Variants in BRD4 observed in about 807,000 individuals in gnomAD.
BRD4 encodes bromodomain containing 4.
A neutral mutation model predicts 142.1 loss-of-function variants in BRD4; 16 were observed. The ratio of observed to expected loss-of-function variants is 0.11; its 90% confidence interval spans 0.08 to 0.17. The LOEUF (loss-of-function observed/expected upper bound fraction) is 0.17, where lower values mean the gene tolerates loss of function less well. BRD4 is among the 10% of genes least tolerant of loss of function. The pLI is 1.00. For synonymous variants in BRD4, 833 were observed against 707.5 expected, an observed-to-expected ratio of 1.18 and a Z score of -2.82; for missense variants, 1,424 against 1,810.9, an observed-to-expected ratio of 0.79 and a Z score of 3.88.
chr19:15,306,872 G>A (rs1362436617), intron 1 of BRD4, among the ~76,000 whole-genome samples: 3 of 152,076 alleles, frequency 2.0e-5, no homozygotes, highest in Admixed American at 6.5e-5. Context: ...AGTCTGAAAC[G>A]TTGGTCACAT....
At chr19:15,273,331 G>C (rs1474566541) in intron 1 of BRD4, among the ~76,000 whole-genome samples, 198 bp from the exon 2 acceptor site, 2 of 152,182 alleles carry the variant, frequency 1.3e-5, no homozygotes. Flanking sequence ...CCCTCCAGCA[G>C]GGAGGAGACC....
chr19:15,292,603 C>T (rs1484198055), intron 1 of BRD4, among the ~76,000 whole-genome samples: 2 of 151,488 alleles, frequency 1.3e-5, no homozygotes, highest in Admixed American at 6.6e-5. Context: ...ATGGTGAAAC[C>T]CCGTCTGTAC....
Position 15,243,180 on chromosome 19 carries a change from G to A in BRD4, c.2889C>T (p.His963=), listed in dbSNP as rs1435363976. The change falls in exon 14 of 20, where the codon CAC becomes CAT. Residue 963 remains histidine (H), a synonymous_variant. Transcript: ENST00000679869. ...GCTGCAGCTGCTGCTGCACAGAGGG[G>A]TGGGGTGGGGGCGGCAGGGGGGGTG... ...QPPPPLPPPP[H]PSVQQQLQQQ... The A allele has an allele frequency of 1.9e-6, 2 of 1,076,374 alleles. No individual in the cohort carries two copies. The highest frequency in any genetic ancestry group is 2.6e-6 in the Non-Finnish European group (2 of 782,390). The allele number at this position is 1,076,374 out of a possible 1,614,324, so 66.7% of individuals were successfully genotyped here.
At chr19:15,248,597 T>C (rs2047312809) in intron 11 of BRD4, 1 of 225,906 alleles carries the variant, frequency 4.4e-6, no homozygotes, top group African/African-American at 2.2e-5. Context: ...ACTTAAGCTT[T>C]TGGAAATGCA....
chr19:15,330,899 G>T (rs1407700765), intron 1 of BRD4, among the ~76,000 whole-genome samples: 1 of 152,118 alleles, frequency 6.6e-6, no homozygotes, highest in African/African-American at 2.4e-5. Flanking sequence ...TAGGGAACTT[G>T]ACAGCTCCAT....
At chr19:15,296,431 G>A (rs1396506022) in intron 1 of BRD4, among the ~76,000 whole-genome samples, 2 of 152,286 alleles carry the variant, frequency 1.3e-5, no homozygotes, top group African/African-American at 4.8e-5. Context: ...ATATTGGCAT[G>A]GATAGTATCT....
At chr19:15,319,006 C>T (rs2048039327) in intron 1 of BRD4, among the ~76,000 whole-genome samples, 1 of 152,130 alleles carries the variant, frequency 6.6e-6, no homozygotes, top group South Asian at 2.1e-4. Flanking sequence ...GTTTCCAAGT[C>T]ATAAAGTTGT....
intron 1 of BRD4, among the ~76,000 whole-genome samples, chr19:15,283,003 C>T (rs904922618): frequency 3.9e-5 from 6 of 152,028 alleles, no homozygotes; most frequent in East Asian, 1.9e-4. Flanking sequence ...AATTATGAAA[C>T]GCAATGTGAC....
intron 11 of BRD4, chr19:15,249,252 C>G (rs752575593): frequency 6.2e-7 from 1 of 1,613,914 alleles, no homozygotes; most frequent in South Asian, 1.1e-5. Context: ...AACTGAAGAC[C>G]GTTTTATTAA....
chr19:15,284,906 A>T (rs2047728994), intron 1 of BRD4, among the ~76,000 whole-genome samples: 1 of 152,254 alleles, frequency 6.6e-6, no homozygotes, highest in Non-Finnish European at 1.5e-5. Context: ...CCACAAAGTA[A>T]ATAACCCACA....
intron 1 of BRD4, among the ~76,000 whole-genome samples, chr19:15,300,961 C>T (rs2047862213): frequency 6.6e-6 from 1 of 152,228 alleles, no homozygotes; most frequent in African/African-American, 2.4e-5. Flanking sequence ...AACATGTTCA[C>T]ACAAAGAACT....
At position 15,244,723 on chromosome 19, in the gene BRD4, C is replaced by T. The variant is rs2047270485; in HGVS notation, c.2198G>A (p.Arg733Lys). 4 of 1,614,048 alleles carry T rather than the reference C, an allele frequency of 2.5e-6. No individual in the cohort carries two copies. Among genetic ancestry groups the T allele is most frequent in the Admixed American group, 1.7e-5 (1 of 60,008 alleles). The change falls in exon 12 of 20, where the codon AGG (arginine) becomes AAG (lysine). Residue 733 changes from arginine to lysine, a missense_variant. Coordinates refer to ENST00000679869, the MANE Select transcript of BRD4 (RefSeq NM_001379291.1). ...GAGCCCATGTACCTTCTTCTGCTCC[C>T]TCCCGGGGTGCCCCTTCTTTTTTGA... ...PKSKKKGHPG[R>K]EQKKHHHHHH...
intron 11 of BRD4, chr19:15,248,352 T>C (rs1395055264): frequency 4.6e-6 from 1 of 215,600 alleles, no homozygotes; most frequent in Non-Finnish European, 9.3e-6. Flanking sequence ...GTCAGAGGTG[T>C]CCATGGGGCA....
intron 1 of BRD4, among the ~76,000 whole-genome samples, chr19:15,296,598 G>A (rs2047824970): frequency 6.6e-6 from 1 of 152,206 alleles, no homozygotes; most frequent in Admixed American, 6.5e-5. Flanking sequence ...CAGTGGCGCG[G>A]AGAGTAAACT....
rs201653061 is a variant in BRD4, at chr19:15,239,136, C to T, written c.3705G>A (p.Glu1235=). ...GAGCCTTCAGGGCCTTCTCACGCTC[C>T]TCTTTCTCCCGAGCGGCGCGGCGGA... ...EQFRRAAREK[E]EREKALKAQA... The change falls in exon 18 of 20, where the codon GAG becomes GAA. Residue 1235 remains glutamate, a synonymous_variant. Transcript: ENST00000679869. This position sits in a 1 kb window ranked among gnomAD's most constrained non-coding sequence, Gnocchi z 7.4. The T allele has an allele frequency of 3.7e-6, 6 of 1,611,576 alleles. No homozygotes were observed. Among genetic ancestry groups the T allele is most frequent in the East Asian group, 4.5e-5 (2 of 44,878 alleles).
At chr19:15,309,245 A>G (rs1331508606) in intron 1 of BRD4, among the ~76,000 whole-genome samples, 4 of 148,170 alleles carry the variant, frequency 2.7e-5, no homozygotes, top group Non-Finnish European at 5.9e-5. Context: ...AGGCAGGAGA[A>G]TGGCATGAAC....
chr19:15,297,427 C>T (rs1235016288), intron 1 of BRD4, among the ~76,000 whole-genome samples: 1 of 152,180 alleles, frequency 6.6e-6, no homozygotes, highest in Non-Finnish European at 1.5e-5. Context: ...CAGAGAAGCA[C>T]TGAGCCACTG....
At chr19:15,298,858 A>G (rs2047845668) in intron 1 of BRD4, among the ~76,000 whole-genome samples, 1 of 152,090 alleles carries the variant, frequency 6.6e-6, no homozygotes, top group Non-Finnish European at 1.5e-5. Flanking sequence ...AAGAAAGAAA[A>G]CAGGTCTCAC....
rs1043855184 is a variant in BRD4 at position 15,235,896 on chromosome 19, T to G, written c.*2481A>C. On this transcript the variant is annotated 3_prime_UTR_variant, in exon 20 of 20. Coordinates refer to ENST00000679869, the MANE Select transcript of BRD4 (RefSeq NM_001379291.1). Reference sequence around the variant, plus strand: ...CAGCAGGAAGCTGCAGAGAAAACTATCCAGCTCAGCAGTTGGACCCAGGCT... The same window carrying G: ...CAGCAGGAAGCTGCAGAGAAAACTAGCCAGCTCAGCAGTTGGACCCAGGCT... 3 of 152,192 alleles carry G rather than the reference T, an allele frequency of 2.0e-5. No individual in the cohort carries two copies. Among genetic ancestry groups the G allele is most frequent in the Non-Finnish European group, 2.9e-5 (2 of 68,020 alleles). 9.4% of individuals were successfully genotyped at this position (152,192 alleles called of 1,614,324 possible).
Sources: allele counts gnomAD v4.1 joint callset (sites outside exome capture counted in the v4.1 genomes callset), GRCh38; gene constraint gnomAD v4.1.1; non-coding constraint Gnocchi (gnomAD v3.1); transcripts MANE v1.5; gene names NCBI Gene and HGNC (gene_info 2026-07-23, HGNC 2026-07-21).